MIA2: variants seen among roughly 807,000 people sequenced by gnomAD.
The protein encoded by MIA2 is melanoma inhibitory activity protein 2.
Under a neutral mutation model 167.8 loss-of-function variants are expected in MIA2, and 127 were observed. The ratio of observed to expected loss-of-function variants is 0.76; its 90% CI spans 0.66 to 0.88. The LOEUF is 0.88. MIA2 is among the 40% of genes least tolerant of loss of function. MIA2 has a pLI of 0.00. For synonymous variants in MIA2, 552 were observed against 541.9 expected (o/e 1.02, Z -0.26); for missense variants, 1,690 against 1,624.7 (o/e 1.04, Z -0.69).
chr14:39,267,469 CCCGGGGTTA>C lies in MIA2; in HGVS notation c.1888-9462_1888-9454del, dbSNP rs1184001588. ...GAGCAGCTTTGGCGCTATGGAGGAGCCCGGGGTTACCCCTCAACCGTATTTGGGGCTGCT... is the reference window on the plus strand; with the variant it reads ...GAGCAGCTTTGGCGCTATGGAGGAGCCCCCTCAACCGTATTTGGGGCTGCT... On this transcript the variant is annotated intron_variant, in intron 6 of 28. Coordinates refer to ENST00000640607, the MANE Select transcript of MIA2 (RefSeq NM_001329214.4). The C allele has an allele frequency of 1.9e-6, 3 of 1,612,806 alleles. No individual in the cohort carries two copies. In the African/African-American group the frequency reaches 4.0e-5, roughly 22 times the overall value.
In MIA2 at chr14:39,304,297, G is replaced by T. The variant is rs1287632923; in HGVS notation, c.2794G>T (p.Ala932Ser). Residue 932 changes from alanine to serine, a missense_variant, in exon 17 of 29, where the codon GCT (alanine) becomes TCT (serine). Transcript: ENST00000640607. ...KKLIHAAKLN[A>S]SLKTLEGERN... is the part of the protein sequence containing the mutation. ...CTTCTTCCCTTCTTTAAAGTTAAATGCTTCTTTAAAAACCTTAGAAGGAGA... is the reference window on the plus strand; with the variant it reads ...CTTCTTCCCTTCTTTAAAGTTAAATTCTTCTTTAAAAACCTTAGAAGGAGA... 3 of 1,437,466 alleles carry T rather than the reference G, an allele frequency of 2.1e-6. No individual in the cohort carries two copies. The highest frequency in any genetic ancestry group is 2.0e-5 in the Admixed American group (1 of 49,040). The allele number at this position is 1,437,466 out of a possible 1,614,324, so 89.0% of individuals were successfully genotyped here.
intron 25 of MIA2, among the ~76,000 whole-genome samples, chr14:39,333,964 C>T (rs1005459402): frequency 2.0e-5 from 3 of 152,164 alleles, no homozygotes; most frequent in Admixed American, 6.5e-5. Context: ...ACTATAATCT[C>T]AATGTCATAG....
At chr14:39,319,421 G>T (rs2066027873) in intron 23 of MIA2, 130 bp downstream of exon 23, 1 of 414,338 alleles carries the variant, frequency 2.4e-6, no homozygotes, top group Non-Finnish European at 4.0e-6. Flanking sequence ...TAGAACCAAG[G>T]TTCTAGACTA....
chr14:39,305,244 G>A (rs1315776106), intron 17 of MIA2, among the ~76,000 whole-genome samples: 1 of 152,154 alleles, frequency 6.6e-6, no homozygotes. Flanking sequence ...AGAAACATTA[G>A]TATTAGTTTA....
chr14:39,280,883 C>G (rs1034097131), intron 9 of MIA2, among the ~76,000 whole-genome samples: 1 of 138,194 alleles, frequency 7.2e-6, no homozygotes. Context: ...CTTCTAGAAT[C>G]TGTGGCTTAA....
At chr14:39,288,449 ATATATATATATATATATATATATATATT>A (rs2060142609) in intron 9 of MIA2, among the ~76,000 whole-genome samples, 1 of 4,368 alleles carries the variant, frequency 2.3e-4, no homozygotes, top group Admixed American at 1.6e-3. Flanking sequence ...ATATATATAT[ATATATATATATATATATATATATATATT>A]TTTTTTTTTT....
intron 23 of MIA2, among the ~76,000 whole-genome samples, chr14:39,356,601 TGAATGTGTTTGC>T (rs1241332105): frequency 2.0e-5 from 3 of 152,232 alleles, no homozygotes; most frequent in Non-Finnish European, 4.4e-5. Context: ...TGCTGGCTTT[TGAATGTGTTTGC>T]TCTTCTCTAG....
chr14:39,311,827 T>TGC (rs1311213456), intron 18 of MIA2, among the ~76,000 whole-genome samples: 1 of 65,776 alleles, frequency 1.5e-5, no homozygotes, highest in Non-Finnish European at 3.3e-5. Context: ...ATGGTTTTTG[T>TGC]GTGTGTGTGT....
intron 20 of MIA2, chr14:39,315,362 TAGATTGCATC>T: frequency 9.5e-6 from 2 of 209,600 alleles, no homozygotes; most frequent in Non-Finnish European, 1.9e-5. Flanking sequence ...TTTGGGAAGG[TAGATTGCATC>T]ACATAAATGT....
chr14:39,342,066 G>A (rs113587147), intron 25 of MIA2, among the ~76,000 whole-genome samples: 4 of 152,064 alleles, frequency 2.6e-5, no homozygotes, highest in South Asian at 2.1e-4. Context: ...TGTGCACAAC[G>A]TGCAGGTTTG....
At chr14:39,241,096 A>C (rs2054014722) in intron 3 of MIA2, among the ~76,000 whole-genome samples, 1 of 152,218 alleles carries the variant, frequency 6.6e-6, no homozygotes, top group African/African-American at 2.4e-5. Flanking sequence ...ATATATTATT[A>C]CTAATGCTAT....
intron 6 of MIA2, among the ~76,000 whole-genome samples, chr14:39,274,736 T>A (rs2057691131): frequency 1.3e-5 from 2 of 151,364 alleles, no homozygotes; most frequent in South Asian, 4.2e-4. Flanking sequence ...AAGACTCAGA[T>A]TCTTTGCTTT....
At chr14:39,362,120 A>T (rs1282957281) in intron 23 of MIA2, among the ~76,000 whole-genome samples, 2 of 152,188 alleles carry the variant, frequency 1.3e-5, no homozygotes, top group Non-Finnish European at 2.9e-5. Flanking sequence ...TTACATCCAT[A>T]TTCATCAGAG....
intron 2 of MIA2, 97 bp from the exon 3 acceptor site, chr14:39,240,464 G>C: frequency 2.6e-6 from 2 of 758,854 alleles, no homozygotes; most frequent in Non-Finnish European, 4.5e-6. Flanking sequence ...GCGATTCAGA[G>C]TAGATGAAAG....
chr14:39,303,095 T>C (rs1374451334), intron 15 of MIA2, among the ~76,000 whole-genome samples: 3 of 152,202 alleles, frequency 2.0e-5, no homozygotes, highest in Non-Finnish European at 4.4e-5. Context: ...AAATAATCCT[T>C]TCTCTATTTG....
intron 23 of MIA2, among the ~76,000 whole-genome samples, chr14:39,382,794 T>C (rs1400719679): frequency 2.0e-5 from 3 of 152,182 alleles, no homozygotes; most frequent in Non-Finnish European, 4.4e-5. Flanking sequence ...CTTTTTATTT[T>C]CCTTTCACAC....
intron 9 of MIA2, among the ~76,000 whole-genome samples, chr14:39,282,064 T>TTTTTTTTGAGACGGAGTCTCG (rs2059030137): frequency 6.6e-6 from 1 of 152,244 alleles, no homozygotes; most frequent in Non-Finnish European, 1.5e-5. Context: ...TTCTCTTGTT[T>TTTTTTTTGAGACGGAGTCTCG]CTCAGTCAAG....
In MIA2 at chr14:39,262,530, A is replaced by C. The variant is rs533154585; in HGVS notation, c.1887+9359A>C. On this transcript the variant is annotated intron_variant, in intron 6 of 28. Coordinates refer to ENST00000640607, the MANE Select transcript of MIA2 (RefSeq NM_001329214.4). ...TTTGGTTCCATATGAACTTTAAAGTAGTTTTTTCCAATTCTGTGAAGGAAG... is the reference window on the plus strand; with the variant it reads ...TTTGGTTCCATATGAACTTTAAAGTCGTTTTTTCCAATTCTGTGAAGGAAG... 4.6e-5 allele frequency among the ~76,000 whole-genome samples: 7 copies of C among 152,298 alleles called. No individual in the cohort carries two copies. The East Asian group carries it at 1.2e-3, about 25-fold the overall frequency.
chr14:39,302,194 T>C lies in MIA2; in HGVS notation c.2685T>C (p.Asp895=). The change falls in exon 15 of 29, where the codon GAT becomes GAC. Residue 895 remains aspartate, a synonymous_variant. Transcript: ENST00000640607. ...WAAMLGEDIT[D]DDNLELEMNS... ...CTATGCTTGGAGAAGACATAACGGA[T>C]GATGATAACTTGGAATTAGAAATGA... The C allele has an allele frequency of 6.2e-7, 1 of 1,613,996 alleles. No homozygotes were observed. The highest frequency in any genetic ancestry group is 8.5e-7 in the Non-Finnish European group (1 of 1,179,896).
Sources: gnomAD v4.1 joint callset for allele counts (sites outside exome capture counted in the v4.1 genomes callset) on GRCh38, gnomAD v4.1.1 for gene constraint, MANE v1.5 for transcripts, NCBI Gene and HGNC (gene_info 2026-07-23, HGNC 2026-07-21) for gene names.